Variants in ZFYVE9 observed in about 807,000 individuals in gnomAD.
The protein encoded by ZFYVE9 is zinc finger FYVE domain-containing protein 9.
Under a neutral mutation model 126.7 loss-of-function variants are expected in ZFYVE9, and 43 were observed. That is an observed-to-expected ratio of 0.34 (90% confidence interval 0.27 to 0.44). ZFYVE9 has a LOEUF of 0.44. Ranked by LOEUF, ZFYVE9 falls within the 20% of genes least tolerant of loss-of-function variation. The pLI, the probability that ZFYVE9 is intolerant of heterozygous loss-of-function variation, is 1.00. For missense variants in ZFYVE9, 1,476 were observed against 1,697.0 expected (o/e 0.87, Z 2.29); for synonymous variants, 521 against 597.4 (o/e 0.87, Z 1.87).
rs1049494441 is a variant in ZFYVE9, at chr1:52,244,522, A to G, written c.2178+4927A>G. ...TATACTTCATATAGAAAATATAAAC[A>G]TTGTGAAGGGTGAAATAGGGATAGA... On this transcript the variant is annotated intron_variant, in intron 4 of 18. Coordinates refer to ENST00000287727, the MANE Select transcript of ZFYVE9 (RefSeq NM_004799.4). Among the ~76,000 whole-genome samples the G allele has an allele frequency of 3.9e-5, 6 of 152,328 alleles. No homozygotes were observed. The South Asian group carries it at 8.3e-4, about 21-fold the overall frequency.
At position 52,142,928 on chromosome 1, in the gene ZFYVE9, G is replaced by T. The variant is rs566953477; in HGVS notation, c.-143+525G>T. Among the ~76,000 whole-genome samples the T allele has an allele frequency of 6.6e-5, 10 of 152,262 alleles. No homozygotes were observed. Among genetic ancestry groups the T allele is most frequent in the Admixed American group, 2.0e-4 (3 of 15,306 alleles). On this transcript the variant is annotated intron_variant, in intron 1 of 18. Transcript: ENST00000287727. This position sits in a 1 kb window ranked among gnomAD's most constrained non-coding sequence, Gnocchi z 4.5. ...CTGCTACTCCTGGAGTGTCATTCAT[G>T]GATCTGGCTTGCTCGAGAACAACCT...
intron 9 of ZFYVE9, among the ~76,000 whole-genome samples, chr1:52,280,656 T>G (rs1347238500): frequency 6.6e-6 from 1 of 152,168 alleles, no homozygotes; most frequent in Non-Finnish European, 1.5e-5. Flanking sequence ...CTGTTCATAC[T>G]CTCCATATAG....
intron 15 of ZFYVE9, among the ~76,000 whole-genome samples, chr1:52,336,810 G>T (rs1293527116): frequency 6.6e-6 from 1 of 152,072 alleles, no homozygotes; most frequent in Non-Finnish European, 1.5e-5. Context: ...AGCTGGGCAT[G>T]GTGGCATACA....
chr1:52,338,823 C>T (rs1638430028), intron 16 of ZFYVE9, among the ~76,000 whole-genome samples: 1 of 152,038 alleles, frequency 6.6e-6, no homozygotes, highest in South Asian at 2.1e-4. Flanking sequence ...ACCAGCCTGA[C>T]CAACATGGAA....
intron 1 of ZFYVE9, among the ~76,000 whole-genome samples, chr1:52,211,361 T>C (rs891315504): frequency 6.6e-6 from 1 of 152,144 alleles, no homozygotes; most frequent in African/African-American, 2.4e-5. Context: ...TAAAAAATCA[T>C]GTGGGATGGG....
chr1:52,178,457 G>C (rs534241407), intron 1 of ZFYVE9, among the ~76,000 whole-genome samples: 92 of 151,314 alleles, frequency 6.1e-4, no homozygotes, highest in African/African-American at 2.1e-3. Flanking sequence ...TCGGCCTCCT[G>C]AGTAGCTAGG....
At chr1:52,332,975 A>G in intron 14 of ZFYVE9, 57 bp downstream of exon 14, 1 of 1,604,082 alleles carries the variant, frequency 6.2e-7, no homozygotes, top group Non-Finnish European at 8.5e-7. Context: ...GGACTTGGAC[A>G]GTTAGATACC....
chr1:52,145,538 C>A (rs890973538), intron 1 of ZFYVE9, among the ~76,000 whole-genome samples: 1 of 152,090 alleles, frequency 6.6e-6, no homozygotes, highest in African/African-American at 2.4e-5. Flanking sequence ...CCTCTTAAAG[C>A]GATGTGACAT....
chr1:52,305,736 C>T (rs2753402), intron 13 of ZFYVE9, among the ~76,000 whole-genome samples: 4 of 152,150 alleles, frequency 2.6e-5, no homozygotes, highest in African/African-American at 7.2e-5. Context: ...TGTAGCTACC[C>T]GAGTTGTGGC....
intron 1 of ZFYVE9, among the ~76,000 whole-genome samples, chr1:52,211,426 C>A (rs553370699): frequency 1.3e-5 from 2 of 152,270 alleles, no homozygotes; most frequent in African/African-American, 4.8e-5. Flanking sequence ...ACCTGAGAAC[C>A]CTGCTCAGAC....
At chr1:52,210,031 G>C (rs181633682) in intron 1 of ZFYVE9, among the ~76,000 whole-genome samples, 1 of 152,256 alleles carries the variant, frequency 6.6e-6, no homozygotes, top group Non-Finnish European at 1.5e-5. Context: ...TATGGCAGTG[G>C]GAATGGAGAG....
intron 2 of ZFYVE9, among the ~76,000 whole-genome samples, chr1:52,231,639 T>C (rs949749165): frequency 1.3e-5 from 2 of 152,084 alleles, no homozygotes; most frequent in Non-Finnish European, 2.9e-5. Flanking sequence ...CTTTCTTTTT[T>C]TGAGATGGAG....
In ZFYVE9 at chr1:52,287,133, G is replaced by A. The variant is rs531974466; in HGVS notation, c.3025+5317G>A. Among the ~76,000 whole-genome samples, 4 of 151,822 alleles carry A rather than the reference G, an allele frequency of 2.6e-5. No homozygotes were observed. In the South Asian group the frequency reaches 8.4e-4, roughly 32 times the overall value. Reference sequence around the variant, plus strand: ...GAGGCAGAGTCTCGCTGTGTCGCCCGGGCCGGAGTGCAGTGTTGCGATCTT... The same window carrying A: ...GAGGCAGAGTCTCGCTGTGTCGCCCAGGCCGGAGTGCAGTGTTGCGATCTT... On this transcript the variant is annotated intron_variant, in intron 10 of 18. Coordinates refer to ENST00000287727, the MANE Select transcript of ZFYVE9 (RefSeq NM_004799.4).
intron 1 of ZFYVE9, among the ~76,000 whole-genome samples, chr1:52,175,593 A>G (rs920339521): frequency 2.6e-5 from 4 of 151,322 alleles, no homozygotes; most frequent in African/African-American, 7.3e-5. Flanking sequence ...AATATCCTGC[A>G]GAGTGTTTGC....
intron 1 of ZFYVE9, among the ~76,000 whole-genome samples, chr1:52,177,841 C>T (rs766383688): frequency 5.3e-5 from 8 of 151,814 alleles, no homozygotes; most frequent in Non-Finnish European, 1.0e-4. Flanking sequence ...GTGTGTTATG[C>T]TAGTTTTGTA....
At chr1:52,145,501 C>G (rs1194804235) in intron 1 of ZFYVE9, among the ~76,000 whole-genome samples, 1 of 152,132 alleles carries the variant, frequency 6.6e-6, no homozygotes, top group Non-Finnish European at 1.5e-5. Flanking sequence ...AGTATGGAGT[C>G]AGATGTGAGC....
intron 13 of ZFYVE9, among the ~76,000 whole-genome samples, chr1:52,330,271 G>A (rs867925384): frequency 3.9e-5 from 6 of 152,128 alleles, no homozygotes; most frequent in Non-Finnish European, 5.9e-5. Flanking sequence ...AGCTACTCGG[G>A]AGGCTGAGGC....
At chr1:52,173,876 A>G (rs1644596792) in intron 1 of ZFYVE9, among the ~76,000 whole-genome samples, 1 of 151,846 alleles carries the variant, frequency 6.6e-6, no homozygotes, top group South Asian at 2.1e-4. Context: ...TATTGTGTCT[A>G]TTTGATTCTT....
At chr1:52,278,745 G>A (rs867678729) in intron 9 of ZFYVE9, 131 bp downstream of exon 9, 4 of 560,236 alleles carry the variant, frequency 7.1e-6, no homozygotes, top group African/African-American at 7.6e-5. Context: ...TTTTTTTTTT[G>A]AGACAGAATC....
Sources: gnomAD v4.1 joint callset for allele counts (sites outside exome capture counted in the v4.1 genomes callset) on GRCh38, gnomAD v4.1.1 for gene constraint, Gnocchi (gnomAD v3.1) non-coding constraint, MANE v1.5 for transcripts, NCBI Gene and HGNC (gene_info 2026-07-23, HGNC 2026-07-21) for gene names.